The following RGPD4 variants were observed in gnomAD, a reference collection of about 807,000 sequenced individuals.
The protein encoded by RGPD4 is ranBP2-like and GRIP domain-containing protein 4.
In RGPD4, 84 loss-of-function variants were observed where a neutral mutation model predicts 141.1. The ratio of observed to expected loss-of-function variants is 0.60; its 90% confidence interval spans 0.50 to 0.71. RGPD4 has a LOEUF of 0.71. Among genes scored for constraint, RGPD4 ranks in the 30% least tolerant of loss-of-function variants. The pLI, the probability that RGPD4 is intolerant of heterozygous loss-of-function variation, is 0.00. For synonymous variants in RGPD4, 298 were observed against 566.8 expected (o/e 0.53, Z 6.74); for missense variants, 918 against 1,622.4 (o/e 0.57, Z 7.46).
chr2:107,859,424 G>A lies in RGPD4; in HGVS notation c.1504G>A (p.Glu502Lys), dbSNP rs1228622085. ...VVYTSHLQLK[E>K]KCNSHHSSYQ... Reference sequence around the variant, plus strand: ...ATATACCAGCCACTTACAATTAAAGGAGAAATGTAATTCTCACCACAGCTC... The same window carrying A: ...ATATACCAGCCACTTACAATTAAAGAAGAAATGTAATTCTCACCACAGCTC... Residue 502 changes from glutamate (E) to lysine (K), a missense_variant, in exon 11 of 23, where the codon GAG becomes AAG. Glu to Lys is a moderately conservative substitution (Grantham distance 56, BLOSUM62 1). Coordinates refer to ENST00000408999, the MANE Select transcript of RGPD4 (RefSeq NM_182588.3). 3 of 1,610,392 alleles carry A rather than the reference G, an allele frequency of 1.9e-6. No individual in the cohort carries two copies. The highest frequency in any genetic ancestry group is 2.2e-5 in the South Asian group (2 of 90,918).
intron 20 of RGPD4, among the ~76,000 whole-genome samples, chr2:107,874,894 T>G (rs1454228141): frequency 6.6e-6 from 1 of 150,872 alleles, no homozygotes; most frequent in Non-Finnish European, 1.5e-5. Flanking sequence ...GAAATGATAC[T>G]AAGTTTTTGT....
intron 21 of RGPD4, among the ~76,000 whole-genome samples, chr2:107,880,678 G>T (rs1573532701): frequency 6.7e-6 from 1 of 149,142 alleles, no homozygotes; most frequent in East Asian, 2.0e-4. Flanking sequence ...GTTCACATAT[G>T]CTTAAATAAA....
intron 1 of RGPD4, among the ~76,000 whole-genome samples, chr2:107,829,887 A>G (rs977083519): frequency 5.3e-5 from 8 of 150,944 alleles, no homozygotes; most frequent in Admixed American, 6.6e-5. Context: ...TCTCCTGGAC[A>G]TTTACTTTAT....
intron 20 of RGPD4, among the ~76,000 whole-genome samples, chr2:107,874,673 G>A (rs1573525738): frequency 6.6e-6 from 1 of 150,466 alleles, no homozygotes; most frequent in Non-Finnish European, 1.5e-5. Flanking sequence ...GAACGAATGT[G>A]CCTATACACT....
intron 21 of RGPD4, among the ~76,000 whole-genome samples, chr2:107,882,314 G>C (rs58854067): frequency 0.042 from 6,251 of 147,406 alleles, 555 homozygotes; most frequent in African/African-American, 0.15. Flanking sequence ...GTATTAGCTT[G>C]TTGCCTTTCT....
intron 20 of RGPD4, 67 bp from the exon 21 acceptor site, chr2:107,879,901 T>A: frequency 1.3e-6 from 2 of 1,577,720 alleles, no homozygotes; most frequent in Non-Finnish European, 1.7e-6. Context: ...TTTAGATTTT[T>A]CTTATTTAGA....
At chr2:107,851,237 G>A (rs2264016) in intron 7 of RGPD4, among the ~76,000 whole-genome samples, 50 of 88,876 alleles carry the variant, frequency 5.6e-4, no homozygotes, top group South Asian at 1.3e-3. Context: ...GCCTCAGCTC[G>A]GTAGCTGGGA....
intron 20 of RGPD4, among the ~76,000 whole-genome samples, chr2:107,874,465 G>A (rs897145772): frequency 7.9e-6 from 1 of 126,828 alleles, no homozygotes; most frequent in Non-Finnish European, 1.7e-5. Context: ...TCTTAGCCAT[G>A]CCAAACAAGT....
chr2:107,856,152 C>T (rs1573494565), intron 8 of RGPD4, among the ~76,000 whole-genome samples: 1 of 122,818 alleles, frequency 8.1e-6, no homozygotes. Context: ...CTCCCGGGTT[C>T]ACACCATTCT....
At chr2:107,834,373 A>C (rs556905730) in intron 1 of RGPD4, among the ~76,000 whole-genome samples, 2 of 151,124 alleles carry the variant, frequency 1.3e-5, no homozygotes, top group East Asian at 2.0e-4. Context: ...TGGTCCAAAA[A>C]TATTGAATGG....
At chr2:107,868,584 G>A (rs2104483444) in intron 18 of RGPD4, among the ~76,000 whole-genome samples, 1 of 149,798 alleles carries the variant, frequency 6.7e-6, no homozygotes, top group South Asian at 2.1e-4. Context: ...ATGTTAATGT[G>A]ATTTTTTTAA....
chr2:107,888,420 A>C (rs1264707287), intron 22 of RGPD4, among the ~76,000 whole-genome samples: 1 of 151,532 alleles, frequency 6.6e-6, no homozygotes, highest in Non-Finnish European at 1.5e-5. Context: ...GGTTCTCTTT[A>C]TTCCTGGGAA....
intron 20 of RGPD4, among the ~76,000 whole-genome samples, chr2:107,877,163 C>T (rs1683113871): frequency 6.6e-6 from 1 of 151,442 alleles, no homozygotes; most frequent in Admixed American, 6.6e-5. Context: ...CACATGAGGC[C>T]AGGAGTTTGA....
rs555218021 is a variant in RGPD4 at position 107,882,034 on chromosome 2, C to A, written c.5065-638C>A. Reference sequence around the variant, plus strand: ...CATGCCATACTGGCTTAGTTTCTATCGAAAGTAGAAGGCAGAGGGAACATC... The same window carrying A: ...CATGCCATACTGGCTTAGTTTCTATAGAAAGTAGAAGGCAGAGGGAACATC... On this transcript the variant is annotated intron_variant, in intron 21 of 22. Coordinates refer to ENST00000408999, the MANE Select transcript of RGPD4 (RefSeq NM_182588.3). Among the ~76,000 whole-genome samples, 55 of 152,006 alleles carry A rather than the reference C, an allele frequency of 3.6e-4. 2 individuals carry two copies. Among genetic ancestry groups the A allele is most frequent in the African/African-American group, 1.3e-3 (53 of 41,316 alleles).
chr2:107,853,788 C>T (rs1303831646), intron 7 of RGPD4, among the ~76,000 whole-genome samples: 1 of 74,412 alleles, frequency 1.3e-5, no homozygotes, highest in Admixed American at 1.6e-4. Context: ...CACTCTGTCG[C>T]CCAAGCTGGA....
In RGPD4 at chr2:107,872,717, A is replaced by T. The variant is rs751374275; in HGVS notation, c.4713A>T (p.Gly1571=). 8.7e-6 allele frequency: 14 copies of T among 1,611,468 alleles called. No homozygotes were observed. Among genetic ancestry groups the T allele is most frequent in the East Asian group, 4.5e-5 (2 of 44,890 alleles). ...GNSSATGSLF[G]FSFNASLKSN... Reference sequence around the variant, plus strand: ...GTTCTGCCACTGGGTCTTTGTTTGGATTTAGTTTTAATGCATCTTTGAAAA... The same window carrying T: ...GTTCTGCCACTGGGTCTTTGTTTGGTTTTAGTTTTAATGCATCTTTGAAAA... Residue 1571 remains glycine, a synonymous_variant, in exon 20 of 23, where the codon GGA becomes GGT. Coordinates refer to ENST00000408999, the MANE Select transcript of RGPD4 (RefSeq NM_182588.3).
At position 107,871,860 on chromosome 2, in the gene RGPD4, G is replaced by C; in HGVS notation, c.3856G>C (p.Gly1286Arg). ...SPVRKNLFHF[G>R]ESTTGSNFSF... ...TGTGAGAAAAAATCTTTTCCATTTTGGTGAGTCAACAACAGGATCTAACTT... is the reference window on the plus strand; with the variant it reads ...TGTGAGAAAAAATCTTTTCCATTTTCGTGAGTCAACAACAGGATCTAACTT... The change falls in exon 20 of 23, where the codon GGT becomes CGT. Residue 1286 changes from glycine (G) to arginine (R), a missense_variant. By Grantham distance (125) the Gly-to-Arg change is moderately radical (BLOSUM62 -2). Coordinates refer to ENST00000408999, the MANE Select transcript of RGPD4 (RefSeq NM_182588.3). 6.2e-7 allele frequency: 1 copy of C among 1,611,558 alleles called. No homozygotes were observed. The highest frequency in any genetic ancestry group is 8.5e-7 in the Non-Finnish European group (1 of 1,179,848).
chr2:107,858,397 CCTTTTCTTTTCTTTTCTTTT>C (rs76894491), intron 9 of RGPD4, among the ~76,000 whole-genome samples: 20 of 140,852 alleles, frequency 1.4e-4, no homozygotes, highest in East Asian at 4.3e-4. Context: ...AAGCACATAA[CCTTTTCTTTTCTTTTCTTTT>C]CTTTTCTTTT....
chr2:107,870,299 A>G (rs1573516601), intron 19 of RGPD4, among the ~76,000 whole-genome samples: 1 of 147,962 alleles, frequency 6.8e-6, no homozygotes, highest in East Asian at 2.0e-4. Context: ...ATACAGCTAT[A>G]TATATAACAA....
Sources: gnomAD v4.1 joint callset for allele counts (sites outside exome capture counted in the v4.1 genomes callset) on GRCh38, gnomAD v4.1.1 for gene constraint, MANE v1.5 for transcripts, NCBI Gene and HGNC (gene_info 2026-07-23, HGNC 2026-07-21) for gene names.